The following ZC3H12B variants were observed in gnomAD, a reference collection of about 807,000 sequenced individuals.
The protein encoded by ZC3H12B is zinc finger CCCH-type containing 12B, also known as probable ribonuclease ZC3H12B.
In ZC3H12B, 7 loss-of-function variants were observed where a neutral mutation model predicts 43.9. The observed-to-expected ratio is 0.16, with a 90% confidence interval of 0.09 to 0.30. ZC3H12B has a LOEUF of 0.30. ZC3H12B is among the 10% of genes least tolerant of loss of function. The pLI is 1.00. For synonymous variants in ZC3H12B, 222 were observed against 241.7 expected, an observed-to-expected ratio of 0.92 and a Z score of 0.76; for missense variants, 475 against 670.2, an observed-to-expected ratio of 0.71 and a Z score of 3.22.
chrX:65,188,812 T>TA, the ZC3H12B span, among the ~76,000 whole-genome samples: 1 of 108,686 alleles, frequency 9.2e-6, no homozygotes, highest in Non-Finnish European at 1.9e-5. Flanking sequence ...GTTTTTTTTT[T>TA]TTATTTAAGT....
chrX:65,183,369 A>G, the ZC3H12B span, among the ~76,000 whole-genome samples: 1 of 111,507 alleles, frequency 9.0e-6, no homozygotes, highest in Non-Finnish European at 1.9e-5. Context: ...AACATTTAGT[A>G]CATATGGACA....
the ZC3H12B span, among the ~76,000 whole-genome samples, chrX:65,109,143 C>T: frequency 9.0e-6 from 1 of 111,380 alleles, no homozygotes; most frequent in Non-Finnish European, 1.9e-5. Flanking sequence ...CTCTTATTAG[C>T]CACCAGATTA....
chrX:65,228,544 C>T, the ZC3H12B span, among the ~76,000 whole-genome samples: 1 of 110,511 alleles, frequency 9.0e-6, no homozygotes, highest in South Asian at 3.9e-4. Context: ...GGCAATTAGG[C>T]AGGAGAAGGA....
the ZC3H12B span, among the ~76,000 whole-genome samples, chrX:65,179,468 C>G: frequency 2.9e-4 from 32 of 108,886 alleles, no homozygotes; most frequent in Non-Finnish European, 2.7e-4. Flanking sequence ...CAAAAGCTAG[C>G]AGAAGACATG....
the ZC3H12B span, among the ~76,000 whole-genome samples, chrX:65,207,635 G>A: frequency 9.4e-6 from 1 of 106,875 alleles, no homozygotes; most frequent in East Asian, 3.0e-4. Flanking sequence ...TGTTCTTTTG[G>A]CTTAGGATTG....
the ZC3H12B span, among the ~76,000 whole-genome samples, chrX:65,070,498 C>G: frequency 9.0e-6 from 1 of 110,729 alleles, no homozygotes; most frequent in African/African-American, 3.3e-5. Context: ...TTTTCTCTTG[C>G]TTCTGTAGTT....
At chrX:65,278,191 A>G in the ZC3H12B span, among the ~76,000 whole-genome samples, 1 of 111,775 alleles carries the variant, frequency 8.9e-6, no homozygotes. Context: ...GAAATGGATA[A>G]ACTCCTGGAC....
chrX:65,229,666 A>G, the ZC3H12B span, among the ~76,000 whole-genome samples: 52 of 101,408 alleles, frequency 5.1e-4, no homozygotes, highest in South Asian at 9.8e-4. Flanking sequence ...AGAATCTACA[A>G]TGAACTCAAA....
the ZC3H12B span, among the ~76,000 whole-genome samples, chrX:65,169,588 T>G: frequency 9.0e-6 from 1 of 111,701 alleles, no homozygotes; most frequent in Non-Finnish European, 1.9e-5. Flanking sequence ...CTGGATATCC[T>G]TTTTAACTTT....
chrX:65,053,041 A>T, the ZC3H12B span, among the ~76,000 whole-genome samples: 1 of 111,270 alleles, frequency 9.0e-6, no homozygotes, highest in Non-Finnish European at 1.9e-5. Context: ...TGACATTGAG[A>T]TCCTTTTCAC....
intron 3 of ZC3H12B, among the ~76,000 whole-genome samples, chrX:65,416,815 G>A (rs1189210922): frequency 4.6e-5 from 5 of 109,679 alleles, no homozygotes; most frequent in Non-Finnish European, 9.5e-5. Context: ...AAAATCTTAG[G>A]CCCACTCCAG....
chrX:65,062,011 G>T, the ZC3H12B span, among the ~76,000 whole-genome samples: 3 of 111,912 alleles, frequency 2.7e-5, no homozygotes, highest in South Asian at 1.1e-3. Context: ...TTTTGATGGG[G>T]TTGTTTTTTT....
chrX:65,244,750 AAG>A, the ZC3H12B span, among the ~76,000 whole-genome samples: 3 of 107,992 alleles, frequency 2.8e-5, no homozygotes, highest in African/African-American at 6.7e-5. Flanking sequence ...AAAAAAAAAA[AAG>A]AAAACGCAAA....
chrX:65,222,602 AAATAATAATAATAATAATAAT>A, the ZC3H12B span, among the ~76,000 whole-genome samples: 651 of 91,142 alleles, frequency 7.1e-3, 5 homozygotes, highest in African/African-American at 0.024. Flanking sequence ...AATAGCTGCA[AAATAATAATAATAATAATAAT>A]AATAATAATA....
chrX:65,056,277 C>G, the ZC3H12B span, among the ~76,000 whole-genome samples: 1 of 111,340 alleles, frequency 9.0e-6, no homozygotes, highest in African/African-American at 3.3e-5. Context: ...CCCAGAGATT[C>G]TGGTATGTTG....
chrX:65,502,042 G>C (rs2068373632), exon 5 of ZC3H12B: 1 of 1,209,250 alleles, frequency 8.3e-7, no homozygotes, highest in African/African-American at 1.8e-5. Context: ...TGGAGCCTGA[G>C]GAATGGCTGT....
chrX:65,132,545 A>T, the ZC3H12B span, among the ~76,000 whole-genome samples: 2 of 110,277 alleles, frequency 1.8e-5, no homozygotes, highest in Admixed American at 9.7e-5. Context: ...TGAACTGGGG[A>T]AAAAGGGCAG....
the ZC3H12B span, among the ~76,000 whole-genome samples, chrX:65,260,089 G>A: frequency 2.7e-5 from 3 of 111,066 alleles, no homozygotes; most frequent in African/African-American, 6.5e-5. Context: ...AGGAAGTGGC[G>A]AGGGATAAAA....
the ZC3H12B span, among the ~76,000 whole-genome samples, chrX:65,269,747 G>A: frequency 9.1e-6 from 1 of 109,730 alleles, no homozygotes; most frequent in Non-Finnish European, 1.9e-5. Context: ...CAGTTCTCCT[G>A]TCTCAGCCTC....
Sources: allele counts gnomAD v4.1 joint callset (sites outside exome capture counted in the v4.1 genomes callset), GRCh38; gene constraint gnomAD v4.1.1; transcripts MANE v1.5; gene names NCBI Gene and HGNC (gene_info 2026-07-23, HGNC 2026-07-21).